Variants in CADPS2 observed in about 807,000 individuals in gnomAD.
The protein encoded by CADPS2 is calcium dependent secretion activator 2.
A neutral mutation model predicts 172.5 loss-of-function variants in CADPS2; 93 were observed. That is an observed-to-expected ratio of 0.54 (90% confidence interval 0.46 to 0.64). The LOEUF is 0.64. Ranked by LOEUF, CADPS2 falls within the 30% of genes least tolerant of loss-of-function variation. The pLI is 0.00. For synonymous variants in CADPS2, 546 were observed against 555.2 expected, an observed-to-expected ratio of 0.98 and a Z score of 0.23; for missense variants, 1,420 against 1,565.9, an observed-to-expected ratio of 0.91 and a Z score of 1.57.
Position 122,702,591 on chromosome 7 carries a change from A to C in CADPS2, c.453+34364T>G. The stretch of plus-strand genomic sequence containing the variant: ...AACACTCCACTCTCTCCTAATTCCG[A>C]TGTGATCTCATTTCCAACCTGAAAT... On this transcript the variant is annotated intron_variant, in intron 2 of 29. Transcript: ENST00000449022. The C allele has an allele frequency of 2.5e-6, 4 of 1,613,602 alleles. No homozygotes were observed. The South Asian group carries it at 4.4e-5, about 18-fold the overall frequency.
chr7:122,541,713 T>C (rs1040035215), intron 8 of CADPS2, among the ~76,000 whole-genome samples: 15 of 145,884 alleles, frequency 1.0e-4, no homozygotes, highest in African/African-American at 3.5e-4. Context: ...ATTCATATAT[T>C]TACATATATT....
At chr7:122,570,418 C>G (rs1339122655) in intron 7 of CADPS2, among the ~76,000 whole-genome samples, 3 of 147,912 alleles carry the variant, frequency 2.0e-5, no homozygotes, top group Non-Finnish European at 4.5e-5. Context: ...AATAGGAACA[C>G]TTTTACACTG....
At chr7:122,414,637 A>G (rs2047677630) in intron 18 of CADPS2, among the ~76,000 whole-genome samples, 1 of 152,234 alleles carries the variant, frequency 6.6e-6, no homozygotes, top group Admixed American at 6.5e-5. Context: ...AAGTTCACAC[A>G]TGACAGATGC....
intron 1 of CADPS2, among the ~76,000 whole-genome samples, chr7:122,840,292 G>C (rs935824200): frequency 6.6e-6 from 1 of 152,010 alleles, no homozygotes; most frequent in Non-Finnish European, 1.5e-5. Context: ...GGTGGGGGGA[G>C]GAGGAAGGGA....
chr7:122,791,436 AC>A (rs1715044727), intron 1 of CADPS2, among the ~76,000 whole-genome samples: 1 of 151,916 alleles, frequency 6.6e-6, no homozygotes, highest in African/African-American at 2.4e-5. Context: ...CTAAATCTTG[AC>A]TTTTTCTTTC....
At chr7:122,399,621 A>C (rs1415883962) in intron 20 of CADPS2, among the ~76,000 whole-genome samples, 1 of 143,594 alleles carries the variant, frequency 7.0e-6, no homozygotes, top group Non-Finnish European at 1.5e-5. Context: ...GATTGAGTAC[A>C]GCTATATCAT....
intron 29 of CADPS2, among the ~76,000 whole-genome samples, chr7:122,321,172 T>C (rs999763245): frequency 6.6e-6 from 1 of 152,170 alleles, no homozygotes; most frequent in African/African-American, 2.4e-5. Flanking sequence ...GATTGACTGA[T>C]TGATTGACTG....
chr7:122,438,192 T>C (rs969837770), intron 17 of CADPS2, 149 bp downstream of exon 17: 2 of 948,866 alleles, frequency 2.1e-6, no homozygotes, highest in African/African-American at 3.3e-5. Flanking sequence ...GAAAAAGCTC[T>C]TCAGTTCACC....
intron 28 of CADPS2, among the ~76,000 whole-genome samples, chr7:122,329,723 T>C (rs1253892327): frequency 2.6e-5 from 4 of 152,182 alleles, no homozygotes; most frequent in Non-Finnish European, 5.9e-5. Context: ...ATTTTGGAAG[T>C]TTTATTTTTA....
intron 20 of CADPS2, among the ~76,000 whole-genome samples, chr7:122,395,281 G>C (rs919173499): frequency 6.6e-6 from 1 of 152,192 alleles, no homozygotes; most frequent in Admixed American, 6.5e-5. Flanking sequence ...TCTAAACACA[G>C]AAGGAAATAT....
chr7:122,349,745 G>A (rs1282423895), intron 27 of CADPS2, among the ~76,000 whole-genome samples: 2 of 152,092 alleles, frequency 1.3e-5, no homozygotes, highest in African/African-American at 4.8e-5. Context: ...AGATGAACAC[G>A]CTGTTTAAAG....
chr7:122,780,676 T>A (rs1792455920), intron 1 of CADPS2, among the ~76,000 whole-genome samples: 1 of 152,114 alleles, frequency 6.6e-6, no homozygotes, highest in Admixed American at 6.5e-5. Flanking sequence ...TAATTTTTAT[T>A]ATTTTTTATT....
At chr7:122,639,604 C>T (rs1466986840) in intron 3 of CADPS2, among the ~76,000 whole-genome samples, 1 of 152,180 alleles carries the variant, frequency 6.6e-6, no homozygotes, top group Non-Finnish European at 1.5e-5. Flanking sequence ...CACTCCATAG[C>T]TCTAACATCA....
intron 25 of CADPS2, among the ~76,000 whole-genome samples, chr7:122,367,157 G>A (rs1401672652): frequency 6.6e-6 from 1 of 152,026 alleles, no homozygotes; most frequent in African/African-American, 2.4e-5. Context: ...TAAGTTTAAT[G>A]CAATTAATTT....
intron 27 of CADPS2, chr7:122,354,322 T>C (rs1308483690): frequency 1.3e-5 from 2 of 152,108 alleles, no homozygotes; most frequent in Non-Finnish European, 2.9e-5. Flanking sequence ...ACATCTCCAT[T>C]TTACAGAAGA....
In CADPS2 at chr7:122,353,995, T is replaced by G. The variant is rs2039026023; in HGVS notation, c.3504+6793A>C. On this transcript the variant is annotated intron_variant, in intron 27 of 29. Coordinates refer to ENST00000449022, the MANE Select transcript of CADPS2 (RefSeq NM_017954.11). ...TTCCCTCTTTCTAGGAACAGTCAGA[T>G]TTCTTTTTTTTTCCTTCATAAGCCA... Among the ~76,000 whole-genome samples the G allele has an allele frequency of 2.0e-5, 3 of 152,120 alleles. No individual in the cohort carries two copies. The South Asian group carries it at 6.2e-4, about 32-fold the overall frequency.
chr7:122,713,455 C>T (rs2136799982), intron 2 of CADPS2, among the ~76,000 whole-genome samples: 1 of 152,160 alleles, frequency 6.6e-6, no homozygotes, highest in East Asian at 1.9e-4. Context: ...CTTTAAAGCA[C>T]TTAGAGCACT....
At chr7:122,657,196 G>A (rs1221530974) in intron 3 of CADPS2, among the ~76,000 whole-genome samples, 1 of 152,186 alleles carries the variant, frequency 6.6e-6, no homozygotes, top group Non-Finnish European at 1.5e-5. Flanking sequence ...GTACCATGCT[G>A]TTTTGGTTAC....
intron 2 of CADPS2, among the ~76,000 whole-genome samples, chr7:122,725,892 C>T (rs537475747): frequency 6.6e-5 from 10 of 151,880 alleles, no homozygotes; most frequent in South Asian, 2.1e-4. Context: ...CCCTGCAGGA[C>T]GCCTGGATGA....
Sources: gnomAD v4.1 joint callset for allele counts (sites outside exome capture counted in the v4.1 genomes callset) on GRCh38, gnomAD v4.1.1 for gene constraint, MANE v1.5 for transcripts, NCBI Gene and HGNC (gene_info 2026-07-23, HGNC 2026-07-21) for gene names.